Variants in MIA3 observed in about 807,000 individuals in gnomAD.
MIA3 encodes the protein MIA SH3 domain ER export factor 3, also known as transport and Golgi organization protein 1 homolog.
Under a neutral mutation model 192.4 loss-of-function variants are expected in MIA3, and 90 were observed. The ratio of observed to expected loss-of-function variants is 0.47; its 90% confidence interval spans 0.39 to 0.56. The LOEUF (loss-of-function observed/expected upper bound fraction) is 0.56, where lower values mean the gene tolerates loss of function less well. MIA3 is among the 20% of genes least tolerant of loss of function. The probability of loss-of-function intolerance (pLI) is 0.00; values close to 1 mark genes in which losing one functional copy is unlikely to be tolerated. For synonymous variants in MIA3, 740 were observed against 792.8 expected (o/e 0.93, Z 1.12); for missense variants, 2,123 against 2,269.4 (o/e 0.94, Z 1.31).
intron 26 of MIA3, chr1:222,662,588 T>TA (rs1361806581): frequency 1.1e-6 from 1 of 879,206 alleles, no homozygotes; most frequent in Non-Finnish European, 1.5e-6. Flanking sequence ...ATATTGATCT[T>TA]ACTTTTATCC....
Position 222,627,871 on chromosome 1 carries a change from A to G in MIA3, c.651A>G (p.Ala217=), listed in dbSNP as rs1357387482. 7 of 1,613,996 alleles carry G rather than the reference A, an allele frequency of 4.3e-6. No individual in the cohort carries two copies. The highest frequency in any genetic ancestry group is 1.1e-5 in the South Asian group (1 of 91,096). The change falls in exon 4 of 28, where the codon GCA becomes GCG. Residue 217 remains alanine (A), a synonymous_variant. Coordinates refer to ENST00000344922, the MANE Select transcript of MIA3 (RefSeq NM_198551.4). The part of the protein sequence containing the change: ...QKHHSHANSQ[A]NHAQGEQASF... ...ACCACTCCCATGCAAACAGCCAAGC[A>G]AATCATGCTCAGGGAGAGCAGGCTT...
intron 6 of MIA3, among the ~76,000 whole-genome samples, chr1:222,636,758 G>A (rs186996575): frequency 1.3e-4 from 19 of 151,996 alleles, no homozygotes; most frequent in African/African-American, 3.4e-4. Context: ...GTGATCCACC[G>A]GCCTCGGCCT....
At position 222,627,904 on chromosome 1, in the gene MIA3, A is replaced by G; in HGVS notation, c.684A>G (p.Glu228=). Residue 228 remains glutamate (E), a synonymous_variant, in exon 4 of 28, where the codon GAA becomes GAG. Transcript: ENST00000344922. ...NHAQGEQASF[E]SFEEMLQDKL... ...CTCAGGGAGAGCAGGCTTCATTTGA[A>G]TCTTTTGAAGAAATGCTGCAAGATA... The G allele has an allele frequency of 6.2e-7, 1 of 1,614,146 alleles. No individual in the cohort carries two copies.
Position 222,629,312 on chromosome 1 carries a change from C to T in MIA3, c.2092C>T (p.Gln698Ter), listed in dbSNP as rs768415475. 6.2e-7 allele frequency: 1 copy of T among 1,614,162 alleles called. No homozygotes were observed. The highest frequency in any genetic ancestry group is 1.1e-5 in the South Asian group (1 of 91,082). Residue 698 changes from glutamine (Q) to a stop codon, truncating the protein, a stop_gained, in exon 4 of 28, where the codon CAG becomes TAG. Coordinates refer to ENST00000344922, the MANE Select transcript of MIA3 (RefSeq NM_198551.4). LOFTEE classifies it high-confidence loss of function. ...DEEFFHHKAM[Q>*]GTEVGQTDQT... ...AGAGTTTTTTCATCACAAGGCAATG[C>T]AGGGCACAGAGGTAGGACAGACAGA... is the stretch of plus-strand genomic sequence containing the variant.
At chr1:222,665,103 G>A in intron 27 of MIA3, 1 of 554,436 alleles carries the variant, frequency 1.8e-6, no homozygotes. Flanking sequence ...GGAGTCTGAG[G>A]TGGGAGGATT....
intron 20 of MIA3, 21 bp downstream of exon 20, chr1:222,659,534 C>G (rs1558196523): frequency 6.2e-7 from 1 of 1,611,784 alleles, no homozygotes; most frequent in African/African-American, 1.3e-5. Flanking sequence ...TAGTGCCCTA[C>G]TATATAGTGC....
chr1:222,659,235 G>C (rs530667039), intron 19 of MIA3: 1 of 553,974 alleles, frequency 1.8e-6, no homozygotes, highest in Non-Finnish European at 3.2e-6. Context: ...TAAAGGAATT[G>C]TAATATATCA....
intron 2 of MIA3, among the ~76,000 whole-genome samples, chr1:222,621,915 T>C (rs1240634416): frequency 6.6e-6 from 1 of 151,864 alleles, no homozygotes; most frequent in Non-Finnish European, 1.5e-5. Flanking sequence ...TTCACGCCAT[T>C]CTCCTGCCTC....
Position 222,653,057 on chromosome 1 carries a change from A to T in MIA3, c.4136A>T (p.Glu1379Val). Residue 1379 changes from glutamate (E) to valine (V), a missense_variant, in exon 14 of 28, where the codon GAG (glutamate) becomes GTG (valine). By Grantham distance (121) the Glu-to-Val change is moderately radical. This residue lies in a region of MIA3 where 762 missense variants were observed against 856.4 expected (regional missense o/e 0.89). Transcript: ENST00000344922. ...DWSKLHAELS[E>V]QIKSFEKSQK... is the part of the protein sequence containing the mutation. ...AGTAAATTACATGCTGAGCTCAGTG[A>T]GCAAATCAAATCATTTGAGAAGTCT... The T allele has an allele frequency of 6.2e-7, 1 of 1,613,282 alleles. No homozygotes were observed. The highest frequency in any genetic ancestry group is 8.5e-7 in the Non-Finnish European group (1 of 1,179,254).
intron 1 of MIA3, among the ~76,000 whole-genome samples, chr1:222,618,800 C>T (rs1434280607): frequency 6.6e-6 from 1 of 152,224 alleles, no homozygotes; most frequent in Non-Finnish European, 1.5e-5. Flanking sequence ...GGCGCTGCTC[C>T]TTTGCCCTTC....
At chr1:222,644,409 T>G (rs1049293280) in intron 6 of MIA3, 1 of 1,541,574 alleles carries the variant, frequency 6.5e-7, no homozygotes, top group African/African-American at 1.4e-5. Context: ...AGGAGGAAGC[T>G]CTGAAAAACA....
chr1:222,625,987 C>T (rs1662098181), intron 3 of MIA3, among the ~76,000 whole-genome samples: 1 of 152,114 alleles, frequency 6.6e-6, no homozygotes, highest in African/African-American at 2.4e-5. Context: ...GATCCATCTG[C>T]CTTGGCCTTC....
intron 18 of MIA3, among the ~76,000 whole-genome samples, chr1:222,656,722 A>G (rs1410889192): frequency 6.6e-6 from 1 of 151,908 alleles, no homozygotes; most frequent in Non-Finnish European, 1.5e-5. Context: ...ACATACTAGG[A>G]TCTCCCACCC....
intron 11 of MIA3, among the ~76,000 whole-genome samples, chr1:222,651,376 C>CT (rs1282954213): frequency 0.024 from 3,452 of 144,510 alleles, 126 homozygotes; most frequent in African/African-American, 0.081. Context: ...TGTAAAATTA[C>CT]TTTTTTTTTT....
At position 222,659,528 on chromosome 1, in the gene MIA3, G is replaced by A. The variant is rs1411742673; in HGVS notation, c.4770+15G>A. On this transcript the variant is annotated intron_variant, in intron 20 of 27. Transcript: ENST00000344922. Reference sequence around the variant, plus strand: ...TTAAAAACCAGGTAATAATTCTAGTGCCCTACTATATAGTGCCCGGAATTC... The same window carrying A: ...TTAAAAACCAGGTAATAATTCTAGTACCCTACTATATAGTGCCCGGAATTC... 1 of 1,612,702 alleles carries A rather than the reference G, an allele frequency of 6.2e-7. No individual in the cohort carries two copies. Among genetic ancestry groups the A allele is most frequent in the Non-Finnish European group, 8.5e-7 (1 of 1,178,828 alleles).
chr1:222,658,695 TTTCA>T (rs1264858699), intron 18 of MIA3, 23 bp from the exon 19 acceptor site: 1 of 1,541,110 alleles, frequency 6.5e-7, no homozygotes, highest in African/African-American at 1.4e-5. Context: ...AGAGAAACAC[TTTCA>T]TTGACAACCA....
intron 2 of MIA3, among the ~76,000 whole-genome samples, chr1:222,622,787 C>T (rs1406097557): frequency 6.6e-6 from 1 of 152,144 alleles, no homozygotes. Context: ...CTTGACTTAA[C>T]ATTTTCCTCC....
At chr1:222,645,772 A>G (rs1046624082) in intron 7 of MIA3, 87 bp downstream of exon 7, 2 of 1,162,572 alleles carry the variant, frequency 1.7e-6, no homozygotes, top group African/African-American at 1.6e-5. Flanking sequence ...AGTTTCTAAT[A>G]TGAACAGAAA....
Position 222,637,309 on chromosome 1 carries a change from T to G in MIA3, c.3477+4060T>G, listed in dbSNP as rs544874972. On this transcript the variant is annotated intron_variant, in intron 6 of 27. Coordinates refer to ENST00000344922, the MANE Select transcript of MIA3 (RefSeq NM_198551.4). ...ATCAGTAGTCAAATTCAGATTCAAT[T>G]TTGTTTGTCAAGAATACTTAATAGG... 2.0e-5 allele frequency among the ~76,000 whole-genome samples: 3 copies of G among 152,326 alleles called. No homozygotes were observed. The South Asian group carries it at 6.2e-4, about 32-fold the overall frequency.
Sources: gnomAD v4.1 joint callset for allele counts (sites outside exome capture counted in the v4.1 genomes callset) on GRCh38, gnomAD v4.1.1 for gene constraint, gnomAD v4.1.1 regional missense constraint, MANE v1.5 for transcripts, NCBI Gene and HGNC (gene_info 2026-07-23, HGNC 2026-07-21) for gene names.